The following IPO11 variants were observed in gnomAD, a reference collection of about 807,000 sequenced individuals.
IPO11 encodes importin-11.
IPO11 carries 66 observed loss-of-function variants against 143.2 expected under a neutral mutation model. The observed-to-expected ratio is 0.46, with a 90% CI of 0.38 to 0.57. The LOEUF (loss-of-function observed/expected upper bound fraction) is 0.57. Ranked by LOEUF, IPO11 falls within the 20% of genes least tolerant of loss-of-function variation. The probability of loss-of-function intolerance (pLI) is 0.00; values close to 1 mark genes in which losing one functional copy is unlikely to be tolerated. For missense variants in IPO11, 1,026 were observed against 1,141.0 expected (o/e 0.90, Z 1.45); for synonymous variants, 385 against 377.8 (o/e 1.02, Z -0.22).
In IPO11 at chr5:62,494,058, C is replaced by T. The variant is rs201556626; in HGVS notation, c.1524C>T (p.Phe508=). ...TCGGTCAGTGGATTTCTGTGAAATTCAAGTCTGACTTAAGACCCATGCTTT... is the reference window on the plus strand; with the variant it reads ...TCGGTCAGTGGATTTCTGTGAAATTTAAGTCTGACTTAAGACCCATGCTTT... ...WLIGQWISVK[F]KSDLRPMLYE... The change falls in exon 16 of 30, where the codon TTC becomes TTT. Residue 508 remains phenylalanine (F), a synonymous_variant. Coordinates refer to ENST00000325324, the MANE Select transcript of IPO11 (RefSeq NM_016338.5). The T allele has an allele frequency of 1.3e-4, 212 of 1,613,396 alleles. 2 individuals are homozygous for T. In the South Asian group the frequency reaches 2.2e-3, roughly 16 times the overall value.
At chr5:62,530,017 G>T (rs768018663) in intron 21 of IPO11, among the ~76,000 whole-genome samples, 2 of 152,042 alleles carry the variant, frequency 1.3e-5, no homozygotes, top group Admixed American at 6.6e-5. Context: ...GGCCTTTGTT[G>T]TACTAAGTTC....
intron 29 of IPO11, among the ~76,000 whole-genome samples, chr5:62,613,044 A>G (rs1745983920): frequency 6.6e-6 from 1 of 152,224 alleles, no homozygotes; most frequent in African/African-American, 2.4e-5. Context: ...CAGTCTGATC[A>G]ATGGGATAAG....
At chr5:62,597,615 A>G (rs1365761956) in intron 28 of IPO11, among the ~76,000 whole-genome samples, 1 of 152,196 alleles carries the variant, frequency 6.6e-6, no homozygotes, top group African/African-American at 2.4e-5. Context: ...TACAATCTCT[A>G]CACTTCCAGT....
At chr5:62,569,701 T>A (rs546397216) in intron 27 of IPO11, among the ~76,000 whole-genome samples, 1 of 152,354 alleles carries the variant, frequency 6.6e-6, no homozygotes, top group South Asian at 2.1e-4. Context: ...CTAATCCCTT[T>A]CTTGCATTGT....
chr5:62,599,762 T>C, intron 28 of IPO11, among the ~76,000 whole-genome samples: 1 of 152,238 alleles, frequency 6.6e-6, no homozygotes, highest in Non-Finnish European at 1.5e-5. Context: ...TTTACTGTTT[T>C]ATTAGTATAA....
At chr5:62,539,481 C>A (rs1432371881) in intron 24 of IPO11, among the ~76,000 whole-genome samples, 1 of 152,102 alleles carries the variant, frequency 6.6e-6, no homozygotes, top group East Asian at 1.9e-4. Context: ...AACTCTTTGG[C>A]TTTAATTTTT....
intron 27 of IPO11, among the ~76,000 whole-genome samples, chr5:62,575,539 A>G (rs925455067): frequency 5.9e-5 from 9 of 151,688 alleles, no homozygotes; most frequent in South Asian, 2.1e-4. Flanking sequence ...CATCTTTCCA[A>G]TTGCCTCTCT....
intron 20 of IPO11, among the ~76,000 whole-genome samples, chr5:62,515,735 A>G (rs1219790913): frequency 6.6e-6 from 1 of 152,126 alleles, no homozygotes; most frequent in East Asian, 1.9e-4. Flanking sequence ...TGTTGTCTCC[A>G]GTGATGATAG....
intron 19 of IPO11, among the ~76,000 whole-genome samples, chr5:62,511,117 G>T (rs1401057142): frequency 6.6e-6 from 1 of 152,148 alleles, no homozygotes; most frequent in Non-Finnish European, 1.5e-5. Context: ...GCCAAGATTG[G>T]AATATAAATA....
Position 62,467,187 on chromosome 5 carries a change from A to G in IPO11, c.573A>G (p.Thr191=), listed in dbSNP as rs373208617. The G allele has an allele frequency of 1.9e-5, 30 of 1,613,874 alleles. No homozygotes were observed. Among genetic ancestry groups the G allele is most frequent in the Non-Finnish European group, 2.4e-5 (28 of 1,179,936 alleles). ...ACSLWNHHTD[T]FLQEVSSGNE... is the part of the protein sequence containing the mutation. ...CTCTGTGGAATCACCACACAGACAC[A>G]TTCCTGCAAGAAGTTTCTTCTGGCA... The change falls in exon 6 of 30, where the codon ACA becomes ACG. Residue 191 remains threonine (T), a synonymous_variant. Transcript: ENST00000325324.
intron 29 of IPO11, among the ~76,000 whole-genome samples, chr5:62,617,626 A>G (rs571628441): frequency 3.5e-4 from 53 of 152,196 alleles, no homozygotes; most frequent in Admixed American, 6.5e-4. Context: ...CTATTATTTA[A>G]TTTAGTTATA....
chr5:62,558,242 G>A (rs1400739249), intron 26 of IPO11, among the ~76,000 whole-genome samples: 1 of 152,112 alleles, frequency 6.6e-6, no homozygotes, highest in Non-Finnish European at 1.5e-5. Context: ...TTTAAGTATT[G>A]TAAACACATG....
rs774338799 is a variant in IPO11, at chr5:62,504,897, C to T, written c.1664C>T (p.Pro555Leu). ...GAATTTAGAACAGATCAGTTTCTAC[C>T]GGTAAGAATATACATTTCCAGGTAT... is the stretch of plus-strand genomic sequence containing the variant. Reference protein sequence around the residue: ...DFEFRTDQFLPYLETMFTLLF... With the variant: ...DFEFRTDQFLLYLETMFTLLF... Residue 555 changes from proline to leucine, a missense_variant and splice_region_variant, in exon 18 of 30, where the codon CCG (proline) becomes CTG (leucine). Physicochemically the swap from Pro to Leu is moderately conservative, Grantham distance 98 (BLOSUM62 -3). Transcript: ENST00000325324. 2.5e-5 allele frequency: 38 copies of T among 1,535,796 alleles called. No homozygotes were observed. The highest frequency in any genetic ancestry group is 4.1e-5 in the African/African-American group (3 of 72,414).
At chr5:62,435,100 G>GTATATATA (rs1338717489) in intron 1 of IPO11, among the ~76,000 whole-genome samples, 1 of 62,190 alleles carries the variant, frequency 1.6e-5, no homozygotes, top group African/African-American at 6.3e-5. Context: ...ATGTATATAT[G>GTATATATA]TATATATATG....
intron 5 of IPO11, among the ~76,000 whole-genome samples, chr5:62,463,003 T>C (rs1485030704): frequency 6.6e-6 from 1 of 152,044 alleles, no homozygotes; most frequent in South Asian, 2.1e-4. Flanking sequence ...CACACATATA[T>C]TACTTATATG....
intron 27 of IPO11, among the ~76,000 whole-genome samples, chr5:62,591,159 A>C (rs76219698): frequency 6.6e-6 from 1 of 152,132 alleles, no homozygotes; most frequent in Non-Finnish European, 1.5e-5. Context: ...TTTACATCCT[A>C]GATTCAAGTC....
chr5:62,611,292 A>G (rs756420435), intron 29 of IPO11, among the ~76,000 whole-genome samples: 3 of 152,214 alleles, frequency 2.0e-5, no homozygotes, highest in Non-Finnish European at 4.4e-5. Flanking sequence ...TAATGAATTG[A>G]AATAATCCAA....
chr5:62,477,647 A>G (rs1048488122), intron 9 of IPO11, among the ~76,000 whole-genome samples: 5 of 152,258 alleles, frequency 3.3e-5, no homozygotes, highest in Admixed American at 6.5e-5. Context: ...AAAGAGGACT[A>G]TACAGTATAT....
At chr5:62,499,853 A>G (rs148004033) in intron 16 of IPO11, among the ~76,000 whole-genome samples, 303 of 152,248 alleles carry the variant, frequency 2.0e-3, no homozygotes, top group African/African-American at 6.6e-3. Context: ...ATCTAAATCA[A>G]AGACACAAAC....
Sources: gnomAD v4.1 joint callset for allele counts (sites outside exome capture counted in the v4.1 genomes callset) on GRCh38, gnomAD v4.1.1 for gene constraint, MANE v1.5 for transcripts, NCBI Gene and HGNC (gene_info 2026-07-23, HGNC 2026-07-21) for gene names.